The following COL25A1 variants were observed in gnomAD, a reference collection of about 807,000 sequenced individuals.
COL25A1 encodes collagen alpha-1(XXV) chain.
COL25A1 carries 103 observed loss-of-function variants against 128.4 expected under a neutral mutation model. The ratio of observed to expected loss-of-function variants is 0.80; its 90% CI spans 0.68 to 0.94. COL25A1 has a LOEUF of 0.94. COL25A1 is among the 40% of genes least tolerant of loss of function. COL25A1 has a pLI of 0.00. For synonymous variants in COL25A1, 279 were observed against 277.2 expected, an observed-to-expected ratio of 1.01 and a Z score of -0.06; for missense variants, 745 against 840.0, an observed-to-expected ratio of 0.89 and a Z score of 1.40.
At chr4:109,117,404 C>T (rs1030815436) in intron 3 of COL25A1, among the ~76,000 whole-genome samples, 1 of 151,922 alleles carries the variant, frequency 6.6e-6, no homozygotes, top group African/African-American at 2.4e-5. Context: ...AGATTCTGTA[C>T]TCTGTGAAAT....
At chr4:108,955,579 G>C (rs1226866904) in intron 8 of COL25A1, among the ~76,000 whole-genome samples, 1 of 152,112 alleles carries the variant, frequency 6.6e-6, no homozygotes, top group Non-Finnish European at 1.5e-5. Context: ...AAAAGGAAGT[G>C]AAAGTCAATC....
In COL25A1 at chr4:108,874,657, T is replaced by C. The variant is rs10024458; in HGVS notation, c.1021-5507A>G. 6.6e-3 allele frequency among the ~76,000 whole-genome samples: 1,002 copies of C among 152,232 alleles called. 8 individuals are homozygous for C. The highest frequency in any genetic ancestry group is 0.022 in the African/African-American group (915 of 41,556). On this transcript the variant is annotated intron_variant, in intron 19 of 37. Coordinates refer to ENST00000399132, the MANE Select transcript of COL25A1 (RefSeq NM_198721.4). ...GACTGCAAGTAAAATAGCTCTACCATTGAAGTAAAAACAATAAAGTAGGAC... is the reference window on the plus strand; with the variant it reads ...GACTGCAAGTAAAATAGCTCTACCACTGAAGTAAAAACAATAAAGTAGGAC...
At chr4:108,899,470 T>A (rs1331142317) in intron 14 of COL25A1, among the ~76,000 whole-genome samples, 1 of 152,144 alleles carries the variant, frequency 6.6e-6, no homozygotes, top group African/African-American at 2.4e-5. Flanking sequence ...CTAAGGAGAA[T>A]GATGGTGTGG....
intron 3 of COL25A1, among the ~76,000 whole-genome samples, chr4:109,091,733 A>G (rs1579336421): frequency 7.6e-6 from 1 of 132,072 alleles, no homozygotes; most frequent in African/African-American, 2.9e-5. Context: ...CTTTAGGTGG[A>G]AAAAAAAAAA....
chr4:108,889,126 A>G, intron 18 of COL25A1, 95 bp downstream of exon 18: 1 of 1,150,906 alleles, frequency 8.7e-7, no homozygotes, highest in Non-Finnish European at 1.3e-6. Flanking sequence ...AAACCGCATC[A>G]TTTTGTAATA....
chr4:108,843,746 T>A (rs1734736039), intron 30 of COL25A1, among the ~76,000 whole-genome samples: 1 of 152,156 alleles, frequency 6.6e-6, no homozygotes, highest in African/African-American at 2.4e-5. Flanking sequence ...TATTCTTTTT[T>A]AAAATTGACA....
At chr4:109,009,513 G>A (rs1756374776) in intron 6 of COL25A1, among the ~76,000 whole-genome samples, 1 of 152,082 alleles carries the variant, frequency 6.6e-6, no homozygotes, top group Admixed American at 6.6e-5. Flanking sequence ...GATAATTCAT[G>A]ATATTGACTA....
chr4:109,086,561 T>C (rs904640632), intron 3 of COL25A1, among the ~76,000 whole-genome samples: 26 of 152,226 alleles, frequency 1.7e-4, no homozygotes, highest in African/African-American at 5.5e-4. Flanking sequence ...CAAAAATAAA[T>C]AGAAAAGCTC....
chr4:108,851,684 G>T (rs1735793886), intron 26 of COL25A1, among the ~76,000 whole-genome samples: 1 of 152,108 alleles, frequency 6.6e-6, no homozygotes, highest in African/African-American at 2.4e-5. Context: ...AGCAATTCTA[G>T]CCTTCTACTA....
At chr4:109,215,006 T>G (rs1167248995) in intron 3 of COL25A1, among the ~76,000 whole-genome samples, 3 of 152,182 alleles carry the variant, frequency 2.0e-5, no homozygotes, top group Non-Finnish European at 2.9e-5. Flanking sequence ...ATTTTTCCCT[T>G]AGCTTGATGC....
chr4:109,139,421 G>T (rs1385801908), intron 3 of COL25A1, among the ~76,000 whole-genome samples: 1 of 152,058 alleles, frequency 6.6e-6, no homozygotes, highest in Non-Finnish European at 1.5e-5. Flanking sequence ...GTCCTGAATG[G>T]TATTGCCTAG....
chr4:108,886,492 G>GTTTTTTTTTTTT (rs535762905), intron 18 of COL25A1, among the ~76,000 whole-genome samples: 63 of 109,272 alleles, frequency 5.8e-4, no homozygotes, highest in African/African-American at 2.5e-3. Flanking sequence ...GTGTGTGTGT[G>GTTTTTTTTTTTT]TTTAGCTCAT....
chr4:109,219,048 CA>C, intron 3 of COL25A1, among the ~76,000 whole-genome samples: 1 of 152,172 alleles, frequency 6.6e-6, no homozygotes, highest in East Asian at 1.9e-4. Flanking sequence ...GGAGTCAGAG[CA>C]AACCCATTTA....
intron 3 of COL25A1, among the ~76,000 whole-genome samples, chr4:109,211,734 G>A (rs1203533457): frequency 6.6e-6 from 1 of 152,100 alleles, no homozygotes; most frequent in Non-Finnish European, 1.5e-5. Context: ...TGCCAAATAC[G>A]TTTCTAATCT....
At chr4:108,969,227 T>G (rs1751649008) in intron 8 of COL25A1, among the ~76,000 whole-genome samples, 1 of 152,166 alleles carries the variant, frequency 6.6e-6, no homozygotes, top group Non-Finnish European at 1.5e-5. Flanking sequence ...CCCTTGTCCC[T>G]TCCAGCTTTT....
intron 3 of COL25A1, among the ~76,000 whole-genome samples, chr4:109,261,796 C>T (rs1310441730): frequency 6.6e-6 from 1 of 151,498 alleles, no homozygotes; most frequent in African/African-American, 2.4e-5. Flanking sequence ...CTCCCAGGTT[C>T]ACGCCATTCT....
rs2126295240 is a variant in COL25A1 at position 109,302,073 on chromosome 4, AT to A, written c.-55del. Reference sequence around the variant, plus strand: ...CTTCCCACCCTCTACACCTCAAATAATCCTAAAAGGAAAGAAAAAGGTCGAT... The same window carrying A: ...CTTCCCACCCTCTACACCTCAAATAACCTAAAAGGAAAGAAAAAGGTCGAT... On this transcript the variant is annotated splice_region_variant and 5_prime_UTR_variant, in exon 2 of 38. Coordinates refer to ENST00000399132, the MANE Select transcript of COL25A1 (RefSeq NM_198721.4). The A allele has an allele frequency of 3.3e-6, 5 of 1,508,870 alleles. No homozygotes were observed. In the East Asian group the frequency reaches 1.1e-4, roughly 34 times the overall value. The allele number at this position is 1,508,870 out of a possible 1,614,324, so 93.5% of individuals were successfully genotyped here. A position where few individuals can be genotyped will look rare whatever the true frequency, so the allele number is the denominator to read the frequency against.
chr4:109,261,004 T>C (rs988091139), intron 3 of COL25A1, among the ~76,000 whole-genome samples: 3 of 152,234 alleles, frequency 2.0e-5, no homozygotes, highest in African/African-American at 7.2e-5. Flanking sequence ...TATTACCATT[T>C]TTCAGAATAA....
At chr4:109,099,970 G>C (rs978774699) in intron 3 of COL25A1, among the ~76,000 whole-genome samples, 1 of 152,044 alleles carries the variant, frequency 6.6e-6, no homozygotes, top group Non-Finnish European at 1.5e-5. Flanking sequence ...CATCATGTGT[G>C]GGGACAGCAT....
Sources: gnomAD v4.1 joint callset for allele counts (sites outside exome capture counted in the v4.1 genomes callset) on GRCh38, gnomAD v4.1.1 for gene constraint, MANE v1.5 for transcripts, NCBI Gene and HGNC (gene_info 2026-07-23, HGNC 2026-07-21) for gene names.